The following CCDC148 variants were observed in gnomAD, a reference collection of about 807,000 sequenced individuals.
CCDC148 encodes the protein coiled-coil domain containing 148, also known as coiled-coil domain-containing protein 148.
Under a neutral mutation model 85.7 loss-of-function variants are expected in CCDC148, and 89 were observed. The observed-to-expected ratio is 1.04, with a 90% CI of 0.87 to 1.24. CCDC148 has a LOEUF of 1.24. Among genes scored for constraint, CCDC148 ranks in the 50% most tolerant of loss-of-function variants. The pLI, the probability that CCDC148 is intolerant of heterozygous loss-of-function variation, is 0.00. For synonymous variants in CCDC148, 230 were observed against 213.9 expected (o/e 1.08, Z -0.66); for missense variants, 692 against 671.7 (o/e 1.03, Z -0.33).
intron 3 of CCDC148, among the ~76,000 whole-genome samples, chr2:158,343,436 T>G (rs1024863169): frequency 2.6e-5 from 4 of 152,184 alleles, no homozygotes; most frequent in African/African-American, 9.6e-5. Flanking sequence ...TGTAGGGTCG[T>G]TGTAAATATT....
chr2:158,397,764 A>G (rs926912857), intron 1 of CCDC148, among the ~76,000 whole-genome samples: 2 of 152,144 alleles, frequency 1.3e-5, no homozygotes, highest in Non-Finnish European at 2.9e-5. Context: ...GACAGGATCA[A>G]ATTCACACAT....
chr2:158,247,986 T>C (rs112249250), intron 10 of CCDC148, among the ~76,000 whole-genome samples: 7,718 of 152,206 alleles, frequency 0.051, 638 homozygotes, highest in African/African-American at 0.17. Context: ...TGTGCCATGG[T>C]GGTTTGCTGC....
chr2:158,231,209 T>G (rs867371416), intron 10 of CCDC148, among the ~76,000 whole-genome samples: 1 of 152,150 alleles, frequency 6.6e-6, no homozygotes, highest in Non-Finnish European at 1.5e-5. Flanking sequence ...GGAAAGAGAA[T>G]GTGGTTATGC....
In CCDC148 at chr2:158,345,259, G is replaced by C. The variant is rs777834416; in HGVS notation, c.207C>G (p.His69Gln). ...GGTATTCCTGCCACCACACTTGCTT[G>C]TGTTGTTTTATTAGTGTTTGTTCTT... Reference protein sequence around the residue: ...LSKEQTLIKQHKQVWWQEYQR... With the variant: ...LSKEQTLIKQQKQVWWQEYQR... The change falls in exon 3 of 14, where the codon CAC becomes CAG. Residue 69 changes from histidine to glutamine, a missense_variant. Coordinates refer to ENST00000283233, the MANE Select transcript of CCDC148 (RefSeq NM_138803.4). 8 of 1,613,384 alleles carry C rather than the reference G, an allele frequency of 5.0e-6. No homozygotes were observed. In the African/African-American group the frequency reaches 1.1e-4, roughly 22 times the overall value.
rs145843542 is a variant in CCDC148 at position 158,339,359 on chromosome 2, G to T, written c.487-274C>A. 2.0e-4 allele frequency among the ~76,000 whole-genome samples: 30 copies of T among 152,250 alleles called. No homozygotes were observed. In the East Asian group the frequency reaches 5.2e-3, roughly 26 times the overall value. On this transcript the variant is annotated intron_variant, in intron 5 of 13. Coordinates refer to ENST00000283233, the MANE Select transcript of CCDC148 (RefSeq NM_138803.4). The stretch of plus-strand genomic sequence containing the variant: ...TTTATTTTCTCTGTGGTAATGCAGA[G>T]AACTTACCAGATGTCTCTGCTCCAA...
At chr2:158,311,610 C>T (rs1290081741) in intron 8 of CCDC148, among the ~76,000 whole-genome samples, 1 of 152,114 alleles carries the variant, frequency 6.6e-6, no homozygotes, top group Non-Finnish European at 1.5e-5. Flanking sequence ...AATATTTTCC[C>T]TATATATAAT....
chr2:158,396,317 C>T (rs1310263687), intron 1 of CCDC148, among the ~76,000 whole-genome samples: 1 of 152,040 alleles, frequency 6.6e-6, no homozygotes, highest in Non-Finnish European at 1.5e-5. Flanking sequence ...TTAGTAGTAG[C>T]TGTCATTTTT....
chr2:158,331,100 T>A (rs1473675378), intron 7 of CCDC148, among the ~76,000 whole-genome samples: 1 of 152,218 alleles, frequency 6.6e-6, no homozygotes, highest in Admixed American at 6.5e-5. Context: ...ATTGTGATGT[T>A]AGGGTGCCAA....
intron 9 of CCDC148, among the ~76,000 whole-genome samples, chr2:158,271,598 C>A (rs1177258536): frequency 6.6e-6 from 1 of 152,096 alleles, no homozygotes; most frequent in Non-Finnish European, 1.5e-5. Context: ...GAGTGAGAGA[C>A]CACGTTCATA....
intron 1 of CCDC148, among the ~76,000 whole-genome samples, chr2:158,403,176 TA>T (rs1685857190): frequency 6.6e-6 from 1 of 152,012 alleles, no homozygotes; most frequent in East Asian, 1.9e-4. Flanking sequence ...CTACAACAAA[TA>T]TTTTTTTCTT....
intron 11 of CCDC148, among the ~76,000 whole-genome samples, chr2:158,180,178 C>G (rs978657764): frequency 6.6e-6 from 1 of 152,092 alleles, no homozygotes; most frequent in East Asian, 1.9e-4. Context: ...AGTGTGCACA[C>G]CTGCATTTTC....
intron 10 of CCDC148, chr2:158,236,099 G>A (rs1202081822): frequency 1.3e-5 from 2 of 152,184 alleles, no homozygotes; most frequent in Non-Finnish European, 2.9e-5. Context: ...AAGTATTAAT[G>A]CCTTTTATTA....
intron 8 of CCDC148, among the ~76,000 whole-genome samples, chr2:158,312,472 C>T (rs1222090544): frequency 4.0e-5 from 6 of 151,166 alleles, no homozygotes; most frequent in Non-Finnish European, 2.9e-5. Flanking sequence ...GTCCCAGCTA[C>T]TCTGGAGGCT....
chr2:158,222,918 T>C (rs1410606867), intron 10 of CCDC148, among the ~76,000 whole-genome samples: 2 of 152,110 alleles, frequency 1.3e-5, no homozygotes, highest in Non-Finnish European at 2.9e-5. Context: ...GATTTCTGCA[T>C]TTCCAACTGA....
intron 10 of CCDC148, among the ~76,000 whole-genome samples, chr2:158,239,624 T>C (rs190964860): frequency 7.8e-4 from 119 of 152,230 alleles, no homozygotes; most frequent in Admixed American, 2.6e-3. Flanking sequence ...TAAAATAATG[T>C]TTATTTCTAA....
intron 7 of CCDC148, among the ~76,000 whole-genome samples, chr2:158,324,122 TG>T (rs1318771957): frequency 1.3e-5 from 2 of 151,962 alleles, no homozygotes; most frequent in South Asian, 2.1e-4. Flanking sequence ...TTCACCATGT[TG>T]GCCAGGCTGG....
chr2:158,440,179 AT>A lies in CCDC148; in HGVS notation c.25+16235del, dbSNP rs1314822854. On this transcript the variant is annotated intron_variant, in intron 1 of 13. Transcript: ENST00000283233. ...GCACAGCACCCAGCCTAAAATTTAA[AT>A]GTTGATAATATCAAGTGTTGACAAG... is the stretch of plus-strand genomic sequence containing the variant. 9.2e-5 allele frequency among the ~76,000 whole-genome samples: 14 copies of A among 152,254 alleles called. No individual in the cohort carries two copies. The South Asian group carries it at 1.4e-3, about 16-fold the overall frequency.
In CCDC148 at chr2:158,340,383, T is replaced by G. The variant is rs138556851; in HGVS notation, c.345A>C (p.Leu115=). The change falls in exon 5 of 14, where the codon CTA becomes CTC. Residue 115 remains leucine, a synonymous_variant. Coordinates refer to ENST00000283233, the MANE Select transcript of CCDC148 (RefSeq NM_138803.4). Reference sequence around the variant, plus strand: ...TAAGATATGTGCACTGTTGTTCTGATAGCTCTTGCTCTATGGTGAAACAAA... The same window carrying G: ...TAAGATATGTGCACTGTTGTTCTGAGAGCTCTTGCTCTATGGTGAAACAAA... ...LCDLTNFEQE[L]SEQQCTYLKN... is the part of the protein sequence containing the mutation. 2.5e-6 allele frequency: 4 copies of G among 1,613,794 alleles called. No homozygotes were observed. The highest frequency in any genetic ancestry group is 3.4e-6 in the Non-Finnish European group (4 of 1,179,880).
chr2:158,351,799 G>A (rs1349146461), intron 2 of CCDC148, among the ~76,000 whole-genome samples: 1 of 151,900 alleles, frequency 6.6e-6, no homozygotes, highest in Admixed American at 6.6e-5. Flanking sequence ...AAAGACAGCA[G>A]TAACCTCTGC....
Sources: allele counts gnomAD v4.1 joint callset (sites outside exome capture counted in the v4.1 genomes callset), GRCh38; gene constraint gnomAD v4.1.1; transcripts MANE v1.5; gene names NCBI Gene and HGNC (gene_info 2026-07-23, HGNC 2026-07-21).